Variants in PCDHGB1 observed in about 807,000 individuals in gnomAD.
PCDHGB1 encodes the protein protocadherin gamma-B1.
In PCDHGB1, 34 loss-of-function variants were observed where a neutral mutation model predicts 56.6. That is an observed-to-expected ratio of 0.60 (90% confidence interval 0.46 to 0.80). The LOEUF is 0.80. Among genes scored for constraint, PCDHGB1 ranks in the 30% least tolerant of loss-of-function variants. PCDHGB1 has a pLI of 0.00. For synonymous variants in PCDHGB1, 561 were observed against 505.9 expected, an observed-to-expected ratio of 1.11 and a Z score of -1.46; for missense variants, 1,278 against 1,204.6, an observed-to-expected ratio of 1.06 and a Z score of -0.90.
At chr5:141,356,394 T>C in intron 1 of PCDHGB1, 3 of 1,579,600 alleles carry the variant, frequency 1.9e-6, no homozygotes, top group South Asian at 1.1e-5. Flanking sequence ...AAAAGACCTA[T>C]GGAAATTATT....
intron 1 of PCDHGB1, chr5:141,441,940 G>T (rs2098285664): frequency 5.9e-6 from 2 of 341,298 alleles, no homozygotes; most frequent in Non-Finnish European, 1.1e-5. Flanking sequence ...GTCCTACCAC[G>T]TGCTGCAGGC....
At chr5:141,456,949 C>A (rs1277351419) in intron 1 of PCDHGB1, among the ~76,000 whole-genome samples, 2 of 152,080 alleles carry the variant, frequency 1.3e-5, no homozygotes, top group East Asian at 3.9e-4. Flanking sequence ...GGCAACAGAG[C>A]AAAACTCCAT....
At chr5:141,411,309 C>A (rs2095479833) in intron 1 of PCDHGB1, 1 of 152,130 alleles carries the variant, frequency 6.6e-6, no homozygotes, top group African/African-American at 2.4e-5. Context: ...GTGGCTCACA[C>A]CTATAATCAC....
chr5:141,492,558 G>A (rs879634396), intron 1 of PCDHGB1, among the ~76,000 whole-genome samples: 1 of 152,236 alleles, frequency 6.6e-6, no homozygotes, highest in South Asian at 2.1e-4. Context: ...CGCCTGGGGG[G>A]CGGCCTGAGC....
intron 1 of PCDHGB1, among the ~76,000 whole-genome samples, chr5:141,483,014 G>A (rs1401419953): frequency 1.3e-5 from 2 of 152,184 alleles, no homozygotes; most frequent in Non-Finnish European, 2.9e-5. Context: ...GAACCCGGGA[G>A]GCAGAGGTTG....
At chr5:141,423,251 ACCTCGGCAG>A (rs770264100) in intron 1 of PCDHGB1, 3 of 1,613,726 alleles carry the variant, frequency 1.9e-6, no homozygotes, top group African/African-American at 2.7e-5. Flanking sequence ...GTCCTGGCGG[ACCTCGGCAG>A]CCTCGAGTCT....
intron 1 of PCDHGB1, among the ~76,000 whole-genome samples, chr5:141,466,519 C>A (rs1406838553): frequency 6.6e-6 from 1 of 151,864 alleles, no homozygotes; most frequent in Non-Finnish European, 1.5e-5. Flanking sequence ...CATTTTTTTT[C>A]CTCCCAAATT....
intron 1 of PCDHGB1, among the ~76,000 whole-genome samples, chr5:141,353,525 T>C (rs1759307512): frequency 1.3e-5 from 2 of 152,224 alleles, no homozygotes; most frequent in Non-Finnish European, 2.9e-5. Context: ...TCCAATTTTA[T>C]ATTTGCATCA....
chr5:141,477,719 T>C lies in PCDHGB1; in HGVS notation c.2410-17088T>C. 6.2e-7 allele frequency: 1 copy of C among 1,613,876 alleles called. No individual in the cohort carries two copies. Among genetic ancestry groups the C allele is most frequent in the Non-Finnish European group, 8.5e-7 (1 of 1,180,028 alleles). ...CTATGAGGATCGGCGGGAATTTGAA[T>C]TAACAGCTCATATCAGCGATGGGGG... On this transcript the variant is annotated intron_variant, in intron 1 of 3. Transcript: ENST00000523390. The surrounding 1 kb of genome is among the most constrained non-coding windows in gnomAD (Gnocchi z 4.9).
chr5:141,354,877 C>T (rs1759657393), intron 1 of PCDHGB1: 1 of 369,784 alleles, frequency 2.7e-6, no homozygotes, highest in African/African-American at 2.1e-5. Flanking sequence ...AGGAATTTGA[C>T]TTTATTATCT....
intron 2 of PCDHGB1, among the ~76,000 whole-genome samples, chr5:141,501,102 C>G (rs951290710): frequency 2.0e-5 from 3 of 152,014 alleles, no homozygotes; most frequent in African/African-American, 4.8e-5. Flanking sequence ...CTCTTGACCT[C>G]GTGATCCGCC....
intron 1 of PCDHGB1, among the ~76,000 whole-genome samples, chr5:141,468,914 G>A (rs563780068): frequency 2.6e-5 from 4 of 151,700 alleles, no homozygotes; most frequent in Admixed American, 2.6e-4. Context: ...CAGACTAGAA[G>A]AGAATAGCAC....
intron 1 of PCDHGB1, chr5:141,409,665 CCTACT>C (rs753951498): frequency 6.2e-7 from 1 of 1,613,576 alleles, no homozygotes; most frequent in Admixed American, 1.7e-5. Context: ...GGCCACATCT[CCTACT>C]CTATAGTGGC....
Position 141,350,273 on chromosome 5 carries a change from A to C in PCDHGB1, c.13A>C (p.Arg5=). Residue 5 remains arginine (R), a synonymous_variant, in exon 1 of 4, where the codon AGA becomes CGA. Coordinates refer to ENST00000523390, the MANE Select transcript of PCDHGB1 (RefSeq NM_018922.3). The part of the protein sequence containing the change: MQRA[R]EAEMMKSQVL... ...GAGAGTTCCTGAAATGCAGAGAGCC[A>C]GAGAAGCCGAAATGATGAAAAGTCA... 3 of 1,512,540 alleles carry C rather than the reference A, an allele frequency of 2.0e-6. No individual in the cohort carries two copies. Among genetic ancestry groups the C allele is most frequent in the Non-Finnish European group, 2.6e-6 (3 of 1,132,208 alleles). The allele number at this position is 1,512,540 out of a possible 1,614,324, so 93.7% of individuals were successfully genotyped here.
intron 1 of PCDHGB1, chr5:141,393,493 G>A (rs1034199960): frequency 6.2e-7 from 1 of 1,614,046 alleles, no homozygotes; most frequent in Non-Finnish European, 8.5e-7. Context: ...AGCACAGTGC[G>A]CATCCACGTG....
Position 141,432,147 on chromosome 5 carries a change from A to G in PCDHGB1, c.2410-62660A>G. 6.2e-7 allele frequency: 1 copy of G among 1,614,066 alleles called. No individual in the cohort carries two copies. The highest frequency in any genetic ancestry group is 8.5e-7 in the Non-Finnish European group (1 of 1,179,998). ...GCCTCCTATTCCGCTTATATCCCAG[A>G]GAACAATCCCAGAGGAGTTTCCCTC... On this transcript the variant is annotated intron_variant, in intron 1 of 3. Transcript: ENST00000523390. The surrounding 1 kb of genome is among the most constrained non-coding windows in gnomAD (Gnocchi z 6.0).
In PCDHGB1 at chr5:141,485,513, T is replaced by C. The variant is rs751762068; in HGVS notation, c.2410-9294T>C. The C allele has an allele frequency of 4.3e-6, 7 of 1,613,938 alleles. No homozygotes were observed. The highest frequency in any genetic ancestry group is 2.2e-5 in the East Asian group (1 of 44,890). On this transcript the variant is annotated intron_variant, in intron 1 of 3. Coordinates refer to ENST00000523390, the MANE Select transcript of PCDHGB1 (RefSeq NM_018922.3). The surrounding 1 kb of genome is among the most constrained non-coding windows in gnomAD (Gnocchi z 5.7). ...CCTGGAGTTTGTCACCGAAGGTCCTTTGGAAATGTACCGAGCAGAGGTAGA... is the reference window on the plus strand; with the variant it reads ...CCTGGAGTTTGTCACCGAAGGTCCTCTGGAAATGTACCGAGCAGAGGTAGA...
chr5:141,365,825 G>A (rs772088278), intron 1 of PCDHGB1: 1 of 1,613,942 alleles, frequency 6.2e-7, no homozygotes, highest in South Asian at 1.1e-5. Context: ...ATTTCAGGGG[G>A]CGCCCTTGTC....
chr5:141,423,864 G>A (rs180692491), intron 1 of PCDHGB1: 551 of 1,284,224 alleles, frequency 4.3e-4, no homozygotes, highest in Non-Finnish European at 5.0e-4. Context: ...TTTTGTGAAA[G>A]TCATTTTTCA....
Sources: allele counts gnomAD v4.1 joint callset (sites outside exome capture counted in the v4.1 genomes callset), GRCh38; gene constraint gnomAD v4.1.1; non-coding constraint Gnocchi (gnomAD v3.1); transcripts MANE v1.5; gene names NCBI Gene and HGNC (gene_info 2026-07-23, HGNC 2026-07-21).